The following CPED1 variants were observed in gnomAD, a reference collection of about 807,000 sequenced individuals.
CPED1 encodes cadherin like and PC-esterase domain containing 1.
CPED1 carries 114 observed loss-of-function variants against 128.2 expected under a neutral mutation model. The observed-to-expected ratio is 0.89, with a 90% confidence interval of 0.76 to 1.04. The LOEUF is 1.04. CPED1 is among the 50% of genes least tolerant of loss of function. The pLI is 0.00. For synonymous variants in CPED1, 462 were observed against 426.7 expected, an observed-to-expected ratio of 1.08 and a Z score of -1.02; for missense variants, 1,211 against 1,207.1, an observed-to-expected ratio of 1.00 and a Z score of -0.05.
intron 5 of CPED1, among the ~76,000 whole-genome samples, chr7:121,089,008 C>T (rs1413201705): frequency 6.6e-6 from 1 of 152,140 alleles, no homozygotes; most frequent in East Asian, 1.9e-4. Flanking sequence ...TTCTGCCTGG[C>T]TTCTGACTCA....
chr7:121,217,094 C>T (rs1454814880), intron 16 of CPED1, among the ~76,000 whole-genome samples: 1 of 151,756 alleles, frequency 6.6e-6, no homozygotes, highest in Non-Finnish European at 1.5e-5. Context: ...TCTCCCTCTG[C>T]CACCCAAGCT....
chr7:121,125,888 T>C lies in CPED1; in HGVS notation c.1130T>C (p.Leu377Pro), dbSNP rs545698348. The stretch of plus-strand genomic sequence containing the variant: ...GGCAGTTTCATGTACCCTGTAGTGC[T>C]CCAGGTCAGTATGCCAAAGGCCTCA... ...GYGSFMYPVV[L>P]QVHEHLNFQD... Residue 377 changes from leucine (L) to proline (P), a missense_variant, in exon 9 of 23, where the codon CTC (leucine) becomes CCC (proline). By Grantham distance (98) the Leu-to-Pro change is moderately conservative. Coordinates refer to ENST00000310396, the MANE Select transcript of CPED1 (RefSeq NM_024913.5). 6.8e-6 allele frequency: 11 copies of C among 1,608,250 alleles called. No individual in the cohort carries two copies. In the Admixed American group the frequency reaches 1.5e-4, roughly 22 times the overall value.
Position 121,134,479 on chromosome 7 carries a change from T to C in CPED1, c.1648+586T>C, listed in dbSNP as rs146656252. ...GAGGGTAGGAAGGGAAGGAGGTGGCTAGAGATTGGTTATAGTTAGGTAGAA... is the reference window on the plus strand; with the variant it reads ...GAGGGTAGGAAGGGAAGGAGGTGGCCAGAGATTGGTTATAGTTAGGTAGAA... On this transcript the variant is annotated intron_variant, in intron 13 of 22. Transcript: ENST00000310396. Among the ~76,000 whole-genome samples, 1,018 of 152,076 alleles carry C rather than the reference T, an allele frequency of 6.7e-3. 10 individuals carry two copies. The highest frequency in any genetic ancestry group is 0.023 in the African/African-American group (945 of 41,544).
intron 16 of CPED1, among the ~76,000 whole-genome samples, chr7:121,221,880 C>A (rs1797887380): frequency 6.6e-6 from 1 of 152,092 alleles, no homozygotes; most frequent in African/African-American, 2.4e-5. Flanking sequence ...GGGTAGATTG[C>A]AAAAATTTTC....
Position 121,162,298 on chromosome 7 carries a change from A to G in CPED1, c.2055+20157A>G, listed in dbSNP as rs933390547. On this transcript the variant is annotated intron_variant, in intron 16 of 22. Coordinates refer to ENST00000310396, the MANE Select transcript of CPED1 (RefSeq NM_024913.5). ...TGATTCAGTATTGTGGAATCTCCTAATTCTTCCAAAGAAACCTAACATTTG... is the reference window on the plus strand; with the variant it reads ...TGATTCAGTATTGTGGAATCTCCTAGTTCTTCCAAAGAAACCTAACATTTG... 2.0e-5 allele frequency among the ~76,000 whole-genome samples: 3 copies of G among 152,246 alleles called. No homozygotes were observed. The South Asian group carries it at 6.2e-4, about 31-fold the overall frequency.
chr7:121,125,895 C>T lies in CPED1; in HGVS notation c.1134+3C>T, dbSNP rs753004596. On this transcript the variant is annotated splice_donor_region_variant and intron_variant, in intron 9 of 22. Transcript: ENST00000310396. ...TCATGTACCCTGTAGTGCTCCAGGT[C>T]AGTATGCCAAAGGCCTCATGTGAGC... 23 of 1,597,404 alleles carry T rather than the reference C, an allele frequency of 1.4e-5. No individual in the cohort carries two copies. The South Asian group carries it at 2.3e-4, about 16-fold the overall frequency.
chr7:121,205,536 C>A (rs937758506), intron 16 of CPED1, among the ~76,000 whole-genome samples: 1 of 151,838 alleles, frequency 6.6e-6, no homozygotes, highest in Non-Finnish European at 1.5e-5. Flanking sequence ...TACTTATTTT[C>A]TATTCCTGAA....
intron 22 of CPED1, among the ~76,000 whole-genome samples, chr7:121,293,381 G>A (rs1389874773): frequency 6.6e-6 from 1 of 152,154 alleles, no homozygotes; most frequent in Non-Finnish European, 1.5e-5. Context: ...GTCCCAGGTC[G>A]ACTTCAGACT....
chr7:121,171,866 G>T (rs1195449057), intron 16 of CPED1, among the ~76,000 whole-genome samples: 2 of 152,086 alleles, frequency 1.3e-5, no homozygotes, highest in African/African-American at 4.8e-5. Context: ...CAGTGAATAT[G>T]CAACTATTAA....
At chr7:121,246,782 C>T (rs1798546453) in intron 18 of CPED1, among the ~76,000 whole-genome samples, 1 of 152,088 alleles carries the variant, frequency 6.6e-6, no homozygotes, top group Admixed American at 6.6e-5. Flanking sequence ...ATTGTTCATA[C>T]CTGTTAATGA....
chr7:121,186,088 T>C (rs913154748), intron 16 of CPED1, among the ~76,000 whole-genome samples: 4 of 152,124 alleles, frequency 2.6e-5, no homozygotes, highest in Non-Finnish European at 5.9e-5. Flanking sequence ...AGAAAAAAGG[T>C]ATTTAGTTTT....
Position 121,097,720 on chromosome 7 carries a change from C to A in CPED1, c.638C>A (p.Pro213His). ...RFPELQLPVS[P>H]SVCLDQGMQL... ...TCAGAACTGCAACTTCCAGTGAGTC[C>A]CTCTGTGTGTCTGGATCAGGGAATG... The change falls in exon 6 of 23, where the codon CCC becomes CAC. Residue 213 changes from proline (P) to histidine (H), a missense_variant. Pro to His is a moderately conservative substitution (Grantham distance 77). Transcript: ENST00000310396. The A allele has an allele frequency of 6.2e-7, 1 of 1,613,702 alleles. No individual in the cohort carries two copies. The highest frequency in any genetic ancestry group is 8.5e-7 in the Non-Finnish European group (1 of 1,179,766).
chr7:121,061,135 G>C (rs1175700398), intron 4 of CPED1: 1 of 304,946 alleles, frequency 3.3e-6, no homozygotes. Context: ...CTCACTGTGA[G>C]GGTCCGCGGC....
At chr7:121,125,219 G>A (rs1158530456) in intron 8 of CPED1, among the ~76,000 whole-genome samples, 1 of 152,026 alleles carries the variant, frequency 6.6e-6, no homozygotes, top group African/African-American at 2.4e-5. Flanking sequence ...TTAATTAGTA[G>A]ATATATTGAA....
chr7:121,117,100 A>ATAAATATATATATATATATAT (rs1450957943), intron 7 of CPED1, among the ~76,000 whole-genome samples: 1 of 70,650 alleles, frequency 1.4e-5, no homozygotes, highest in East Asian at 8.8e-4. Flanking sequence ...TATATATATA[A>ATAAATATATATATATATATAT]ATATATATAT....
intron 21 of CPED1, among the ~76,000 whole-genome samples, chr7:121,270,315 T>C (rs1792207236): frequency 1.3e-5 from 2 of 152,136 alleles, no homozygotes; most frequent in Admixed American, 6.6e-5. Context: ...TTTGCAAACA[T>C]TTTCTCCCAT....
intron 3 of CPED1, among the ~76,000 whole-genome samples, chr7:121,034,984 G>C (rs2116869858): frequency 6.6e-6 from 1 of 152,316 alleles, no homozygotes; most frequent in Admixed American, 6.5e-5. Context: ...GTCACAAGTA[G>C]AACACTTGGT....
chr7:121,138,756 G>T lies in CPED1; in HGVS notation c.1700-2071G>T, dbSNP rs184234724. On this transcript the variant is annotated intron_variant, in intron 14 of 22. Transcript: ENST00000310396. ...GATCTTCCTCTTTGTTATTCACTTT[G>T]CTAGTTCTGAGCAGAAAAGTGCGAC... is the stretch of plus-strand genomic sequence containing the variant. Among the ~76,000 whole-genome samples the T allele has an allele frequency of 1.1e-4, 16 of 152,134 alleles. No individual in the cohort carries two copies. The East Asian group carries it at 3.1e-3, about 29-fold the overall frequency.
intron 3 of CPED1, among the ~76,000 whole-genome samples, chr7:121,045,124 G>A (rs1174899326): frequency 1.3e-5 from 2 of 152,170 alleles, no homozygotes; most frequent in African/African-American, 4.8e-5. Flanking sequence ...ATTTGGTTTT[G>A]TCTATAGGAA....
Sources: gnomAD v4.1 joint callset for allele counts (sites outside exome capture counted in the v4.1 genomes callset) on GRCh38, gnomAD v4.1.1 for gene constraint, MANE v1.5 for transcripts, NCBI Gene and HGNC (gene_info 2026-07-23, HGNC 2026-07-21) for gene names.